Variants in C8orf34 observed in about 807,000 individuals in gnomAD.
C8orf34 encodes the protein chromosome 8 open reading frame 34, also known as uncharacterized protein C8orf34.
Under a neutral mutation model 68.3 loss-of-function variants are expected in C8orf34, and 65 were observed. That is an observed-to-expected ratio of 0.95 (90% CI 0.78 to 1.17). C8orf34 has a LOEUF of 1.17. C8orf34 is among the 50% of genes most tolerant of loss of function. C8orf34 has a pLI of 0.00. For synonymous variants in C8orf34, 244 were observed against 241.2 expected (o/e 1.01, Z -0.11); for missense variants, 664 against 655.4 (o/e 1.01, Z -0.14).
At chr8:68,334,470 A>G (rs1233282908) in intron 1 of C8orf34, among the ~76,000 whole-genome samples, 1 of 151,610 alleles carries the variant, frequency 6.6e-6, no homozygotes, top group Non-Finnish European at 1.5e-5. Context: ...TATATATTCC[A>G]TGTATGTTTG....
intron 3 of C8orf34, chr8:68,446,930 C>T (rs1811149071): frequency 6.4e-6 from 1 of 155,762 alleles, no homozygotes; most frequent in Non-Finnish European, 1.4e-5. Flanking sequence ...GATGGAAGTC[C>T]CTATATTCTC....
intron 8 of C8orf34, among the ~76,000 whole-genome samples, chr8:68,671,448 T>C (rs1368305648): frequency 1.3e-5 from 2 of 152,190 alleles, no homozygotes; most frequent in African/African-American, 4.8e-5. Flanking sequence ...ATGTTAGAGC[T>C]AAGTAAATAG....
chr8:68,756,049 AGAGT>A (rs552019336), intron 10 of C8orf34, among the ~76,000 whole-genome samples: 274 of 150,728 alleles, frequency 1.8e-3, no homozygotes, highest in South Asian at 3.4e-3. Context: ...CCTGGGCGAC[AGAGT>A]GAGACTCTAT....
intron 12 of C8orf34, among the ~76,000 whole-genome samples, chr8:68,789,703 T>C (rs1054223059): frequency 6.6e-6 from 1 of 152,100 alleles, no homozygotes; most frequent in Non-Finnish European, 1.5e-5. Flanking sequence ...AATTAGTAAA[T>C]GAATGAGAAA....
intron 8 of C8orf34, among the ~76,000 whole-genome samples, chr8:68,667,681 TA>T (rs1371829259): frequency 6.6e-6 from 1 of 152,210 alleles, no homozygotes; most frequent in African/African-American, 2.4e-5. Flanking sequence ...AGATCTATTT[TA>T]ACTCATTTTA....
At chr8:68,734,733 C>G (rs998829750) in intron 10 of C8orf34, among the ~76,000 whole-genome samples, 1 of 152,184 alleles carries the variant, frequency 6.6e-6, no homozygotes, top group African/African-American at 2.4e-5. Flanking sequence ...AAGGCGGTCA[C>G]ACTCATCATG....
intron 7 of C8orf34, among the ~76,000 whole-genome samples, chr8:68,628,348 C>A (rs1039287411): frequency 2.0e-5 from 3 of 152,062 alleles, no homozygotes; most frequent in African/African-American, 7.2e-5. Context: ...AGAGAACCAA[C>A]AGAAACATGG....
At chr8:68,462,779 C>T (rs1231119269) in intron 3 of C8orf34, among the ~76,000 whole-genome samples, 3 of 151,926 alleles carry the variant, frequency 2.0e-5, no homozygotes, top group Non-Finnish European at 4.4e-5. Flanking sequence ...ATCTCTGGGA[C>T]ACATTCAAAG....
chr8:68,412,659 C>T (rs538377190), intron 1 of C8orf34, among the ~76,000 whole-genome samples: 1 of 152,248 alleles, frequency 6.6e-6, no homozygotes, highest in South Asian at 2.1e-4. Context: ...TTATTGAACT[C>T]CTCTTATACA....
intron 7 of C8orf34, among the ~76,000 whole-genome samples, chr8:68,583,899 T>G (rs997004545): frequency 1.3e-5 from 2 of 152,152 alleles, no homozygotes; most frequent in African/African-American, 2.4e-5. Context: ...CAATCCGTAC[T>G]CCTTGTGAGT....
intron 3 of C8orf34, chr8:68,447,049 T>G (rs1811154850): frequency 6.5e-6 from 1 of 153,508 alleles, no homozygotes; most frequent in Admixed American, 6.5e-5. Flanking sequence ...CTGCAGACTG[T>G]ACAAGAAGCA....
At position 68,331,189 on chromosome 8, in the gene C8orf34, G is replaced by A. The variant is rs1011949969; in HGVS notation, c.177G>A (p.Pro59=). 72 of 1,533,452 alleles carry A rather than the reference G, an allele frequency of 4.7e-5. No individual in the cohort carries two copies. The African/African-American group carries it at 7.8e-4, about 17-fold the overall frequency. 95.0% of individuals were successfully genotyped at this position (1,533,452 alleles called of 1,614,324 possible). Residue 59 remains proline (P), a synonymous_variant, in exon 1 of 14, where the codon CCG becomes CCA. Transcript: ENST00000518698. ...GGAGCTCCTGTCCCGGCCCCAGTCC[G>A]GGTAAAAGGAGGGTTGTCCCCAGCG... The part of the protein sequence containing the change: ...RLRSSCPGPS[P]GKRRVVPSGG...
At chr8:68,518,194 A>C (rs932782696) in intron 5 of C8orf34, among the ~76,000 whole-genome samples, 1 of 152,202 alleles carries the variant, frequency 6.6e-6, no homozygotes, top group Non-Finnish European at 1.5e-5. Flanking sequence ...CAAATTTTAA[A>C]AAAGGAAGAA....
chr8:68,777,764 A>G (rs1823563228), intron 11 of C8orf34, among the ~76,000 whole-genome samples: 1 of 152,208 alleles, frequency 6.6e-6, no homozygotes, highest in African/African-American at 2.4e-5. Flanking sequence ...TTGTTTAAAA[A>G]TCTCCAATTT....
chr8:68,521,749 G>A (rs776463851), intron 5 of C8orf34, 50 bp from the exon 6 acceptor site: 9 of 1,515,820 alleles, frequency 5.9e-6, no homozygotes, highest in Non-Finnish European at 8.1e-6. Flanking sequence ...CTGTTGTCCT[G>A]TTAATAAGAA....
chr8:68,580,088 A>G (rs1817018115), intron 7 of C8orf34, among the ~76,000 whole-genome samples: 1 of 152,182 alleles, frequency 6.6e-6, no homozygotes, highest in Non-Finnish European at 1.5e-5. Flanking sequence ...AAACAGAATA[A>G]ACATAATGAG....
chr8:68,715,156 C>T (rs757153849), intron 9 of C8orf34, among the ~76,000 whole-genome samples: 54 of 152,074 alleles, frequency 3.6e-4, no homozygotes, highest in Non-Finnish European at 7.4e-4. Context: ...AATCTAAGAC[C>T]TGAAACCATA....
chr8:68,588,774 C>A, intron 7 of C8orf34, among the ~76,000 whole-genome samples: 1 of 152,148 alleles, frequency 6.6e-6, no homozygotes, highest in East Asian at 1.9e-4. Context: ...TCGATCCCAT[C>A]TCCTCACAAA....
chr8:68,444,861 G>T (rs1007084368), intron 2 of C8orf34, among the ~76,000 whole-genome samples: 2 of 152,212 alleles, frequency 1.3e-5, no homozygotes, highest in South Asian at 2.1e-4. Context: ...TATATAAAGA[G>T]ATGCTATATT....
Sources: gnomAD v4.1 joint callset for allele counts (sites outside exome capture counted in the v4.1 genomes callset) on GRCh38, gnomAD v4.1.1 for gene constraint, MANE v1.5 for transcripts, NCBI Gene and HGNC (gene_info 2026-07-23, HGNC 2026-07-21) for gene names.